The following LAMA5 variants were observed in gnomAD, a reference collection of about 807,000 sequenced individuals.
LAMA5 encodes the protein laminin subunit alpha 5, also known as laminin subunit alpha-5.
LAMA5 carries 260 observed loss-of-function variants against 433.4 expected under a neutral mutation model. That is an observed-to-expected ratio of 0.60 (90% CI 0.54 to 0.66). The LOEUF (loss-of-function observed/expected upper bound fraction) is 0.66. Ranked by LOEUF, LAMA5 falls within the 30% of genes least tolerant of loss-of-function variation. The probability of loss-of-function intolerance (pLI) is 0.00; values close to 1 mark genes in which losing one functional copy is unlikely to be tolerated. For missense variants in LAMA5, 5,378 were observed against 5,258.5 expected, an observed-to-expected ratio of 1.02 and a Z score of -0.70; for synonymous variants, 2,620 against 2,226.6, an observed-to-expected ratio of 1.18 and a Z score of -4.97.
In LAMA5 at chr20:62,349,494, G is replaced by A. The variant is rs533056336; in HGVS notation, c.956+2210C>T. Among the ~76,000 whole-genome samples the A allele has an allele frequency of 3.3e-5, 5 of 151,086 alleles. No individual in the cohort carries two copies. In the East Asian group the frequency reaches 8.0e-4, roughly 24 times the overall value. ...AAATCATTTCTCCAAAGTGCTGAGA[G>A]ATGCAGCTATCAACCACGAATCCTA... On this transcript the variant is annotated intron_variant, in intron 6 of 79. Transcript: ENST00000252999.
At chr20:62,338,821 G>A (rs1982130124) in intron 11 of LAMA5, among the ~76,000 whole-genome samples, 1 of 152,196 alleles carries the variant, frequency 6.6e-6, no homozygotes, top group South Asian at 2.1e-4. Flanking sequence ...GGCAGATCAT[G>A]AGGTCAAGAG....
In LAMA5 at chr20:62,362,401, T is replaced by A; in HGVS notation, c.449A>T (p.Gln150Leu). 1 of 1,531,524 alleles carries A rather than the reference T, an allele frequency of 6.5e-7. No individual in the cohort carries two copies. The highest frequency in any genetic ancestry group is 2.4e-5 in the East Asian group (1 of 41,018). 94.9% of individuals were successfully genotyped at this position (1,531,524 alleles called of 1,614,324 possible). The change falls in exon 2 of 80, where the codon CAG (glutamine) becomes CTG (leucine). Residue 150 changes from glutamine to leucine, a missense_variant and splice_region_variant. By Grantham distance (113) the Gln-to-Leu change is moderately radical. Transcript: ENST00000252999. ...CAGCACGCAAAGAAGGGTCCCTACCTGGCCCAGGTCCAGGGTGACGTTGAC... is the reference window on the plus strand; with the variant it reads ...CAGCACGCAAAGAAGGGTCCCTACCAGGCCCAGGTCCAGGGTGACGTTGAC... ...NEVNVTLDLG[Q>L]VFHVAYVLIK...
At chr20:62,365,262 G>A (rs536562502) in intron 1 of LAMA5, among the ~76,000 whole-genome samples, 1 of 152,346 alleles carries the variant, frequency 6.6e-6, no homozygotes, top group South Asian at 2.1e-4. Context: ...CACTGAAACT[G>A]TGGCCACTTC....
chr20:62,331,657 T>TC (rs1242782336), intron 28 of LAMA5, among the ~76,000 whole-genome samples: 2 of 152,214 alleles, frequency 1.3e-5, no homozygotes, highest in African/African-American at 4.8e-5. Flanking sequence ...GTGCTCCCTT[T>TC]CCGTGCGGCC....
At chr20:62,332,924 C>CAGGCAGGAGGCAGGAGGCAGG in intron 26 of LAMA5, among the ~76,000 whole-genome samples, 166 bp downstream of exon 26, 1 of 12,466 alleles carries the variant, frequency 8.0e-5, no homozygotes, top group East Asian at 3.5e-3. Flanking sequence ...TGAGGTCACA[C>CAGGCAGGAGGCAGGAGGCAGG]ATGCAGGAGG....
intron 16 of LAMA5, chr20:62,336,999 A>G (rs1459993539): frequency 4.4e-6 from 3 of 688,368 alleles, no homozygotes; most frequent in Non-Finnish European, 8.0e-6. Context: ...GCTCATGGAC[A>G]TGCACGCAAA....
chr20:62,343,123 A>G (rs530410821), intron 11 of LAMA5, among the ~76,000 whole-genome samples: 46 of 152,352 alleles, frequency 3.0e-4, no homozygotes, highest in African/African-American at 9.1e-4. Flanking sequence ...TACGCGTTCT[A>G]TGGCTGCTTG....
intron 5 of LAMA5, 26 bp from the exon 6 acceptor site, chr20:62,351,827 C>G (rs1465281159): frequency 6.3e-7 from 1 of 1,587,436 alleles, no homozygotes; most frequent in Non-Finnish European, 8.6e-7. Context: ...CCGTGAGCAC[C>G]AGGCGGCCAG....
chr20:62,355,876 C>G (rs1271266122), intron 2 of LAMA5, among the ~76,000 whole-genome samples: 1 of 152,150 alleles, frequency 6.6e-6, no homozygotes, highest in African/African-American at 2.4e-5. Flanking sequence ...TCTCGGGGAG[C>G]TGGCAACACA....
At chr20:62,321,040 G>A in intron 48 of LAMA5, 150 bp from the exon 49 acceptor site, 1 of 826,268 alleles carries the variant, frequency 1.2e-6, no homozygotes, top group Admixed American at 3.0e-5. Context: ...GGAGGTCCCA[G>A]AGTTCTGGCA....
rs1373724881 is a variant in LAMA5 at position 62,327,339 on chromosome 20, G to A, written c.5006C>T (p.Pro1669Leu). ...GTCTGCACGGAGCATCTCCGTCCCT[G>A]GCTGCCGCTCGTGGGGCACCACCTG... ...DRQVVPHERQ[P>L]GTEMLRADLR... The change falls in exon 38 of 80, where the codon CCA becomes CTA. Residue 1669 changes from proline (P) to leucine (L), a missense_variant. Transcript: ENST00000252999. 2.5e-6 allele frequency: 4 copies of A among 1,602,244 alleles called. No homozygotes were observed. The highest frequency in any genetic ancestry group is 3.4e-6 in the Non-Finnish European group (4 of 1,174,388).
At chr20:62,323,363 G>A in intron 45 of LAMA5, 93 bp downstream of exon 45, 1 of 1,063,088 alleles carries the variant, frequency 9.4e-7, no homozygotes, top group East Asian at 2.6e-5. Context: ...CCCAGCATCA[G>A]GCACACAGCC....
In LAMA5 at chr20:62,337,893, GCC is replaced by G; in HGVS notation, c.1935_1936del (p.Ala646GlyfsTer36). ...GGGGCGGCAGCGGCACAAACCTCCC[GCC>G]CCACAGAGCTGGTCCAGGGCTCCCC... On this transcript the variant is annotated frameshift_variant, in exon 15 of 80. Transcript: ENST00000252999. LOFTEE classifies it high-confidence loss of function. 6.2e-7 allele frequency: 1 copy of G among 1,612,046 alleles called. No homozygotes were observed. The highest frequency in any genetic ancestry group is 8.5e-7 in the Non-Finnish European group (1 of 1,179,670).
intron 2 of LAMA5, among the ~76,000 whole-genome samples, chr20:62,357,773 G>A (rs7269391): frequency 1.1e-3 from 175 of 152,318 alleles, no homozygotes; most frequent in Middle Eastern, 6.8e-3. Context: ...AGGAGTGGGC[G>A]GGGGGACAGG....
rs778811361 is a variant in LAMA5 at position 62,351,684 on chromosome 20, T to G, written c.956+20A>C. The stretch of plus-strand genomic sequence containing the variant: ...GGGGGGGCCTCACCTGAACGGGGCC[T>G]CACCTGAATGGGGCCTCACCTGAAC... On this transcript the variant is annotated intron_variant, in intron 6 of 79. Coordinates refer to ENST00000252999, the MANE Select transcript of LAMA5 (RefSeq NM_005560.6). 22 of 1,592,444 alleles carry G rather than the reference T, an allele frequency of 1.4e-5. No individual in the cohort carries two copies. The highest frequency in any genetic ancestry group is 1.8e-4 in the Middle Eastern group (1 of 5,698).
chr20:62,326,943 G>A lies in LAMA5; in HGVS notation c.5136C>T (p.Leu1712=). ...GDRVSSYGGT[L]RYELHSETQR... is the part of the protein sequence containing the mutation. ...GGGTCTCTGAGTGCAGTTCATAACGGAGGGTCCCACCGTAGGATGACACCT... is the reference window on the plus strand; with the variant it reads ...GGGTCTCTGAGTGCAGTTCATAACGAAGGGTCCCACCGTAGGATGACACCT... The change falls in exon 39 of 80, where the codon CTC becomes CTT. Residue 1712 remains leucine (L), a synonymous_variant. Transcript: ENST00000252999. 1.9e-6 allele frequency: 3 copies of A among 1,610,528 alleles called. No homozygotes were observed. The highest frequency in any genetic ancestry group is 2.7e-5 in the African/African-American group (2 of 75,008).
intron 22 of LAMA5, 31 bp downstream of exon 22, chr20:62,334,155 C>T (rs1981083365): frequency 1.2e-6 from 2 of 1,603,912 alleles, no homozygotes; most frequent in East Asian, 4.5e-5. Context: ...CACTTCTAGG[C>T]TGAGCCTGGG....
intron 2 of LAMA5, among the ~76,000 whole-genome samples, chr20:62,355,098 G>A (rs1420992938): frequency 1.3e-5 from 2 of 152,186 alleles, no homozygotes; most frequent in African/African-American, 4.8e-5. Context: ...AACTCTTTGT[G>A]GGCGGCAGTG....
intron 16 of LAMA5, 80 bp downstream of exon 16, chr20:62,337,510 A>G (rs1053055003): frequency 2.0e-6 from 3 of 1,522,148 alleles, no homozygotes; most frequent in Non-Finnish European, 2.7e-6. Context: ...ACAGCCTCAC[A>G]GGAAGGCAGG....
Sources: gnomAD v4.1 joint callset for allele counts (sites outside exome capture counted in the v4.1 genomes callset) on GRCh38, gnomAD v4.1.1 for gene constraint, MANE v1.5 for transcripts, NCBI Gene and HGNC (gene_info 2026-07-23, HGNC 2026-07-21) for gene names.